The following MTUS2 variants were observed in gnomAD, a reference collection of about 807,000 sequenced individuals.
MTUS2 encodes microtubule associated scaffold protein 2.
Under a neutral mutation model 114.1 loss-of-function variants are expected in MTUS2, and 40 were observed. That is an observed-to-expected ratio of 0.35 (90% CI 0.27 to 0.46). The LOEUF (loss-of-function observed/expected upper bound fraction) is 0.46, where lower values mean the gene tolerates loss of function less well. Among genes scored for constraint, MTUS2 ranks in the 20% least tolerant of loss-of-function variants. The pLI is 1.00. For missense variants in MTUS2, 1,679 were observed against 1,705.4 expected, an observed-to-expected ratio of 0.98 and a Z score of 0.27; for synonymous variants, 688 against 672.0, an observed-to-expected ratio of 1.02 and a Z score of -0.37.
intron 8 of MTUS2, among the ~76,000 whole-genome samples, chr13:29,385,965 C>T (rs1165257565): frequency 1.3e-5 from 2 of 152,138 alleles, no homozygotes; most frequent in African/African-American, 4.8e-5. Flanking sequence ...CCTATAATAG[C>T]ACAGGGGCCC....
intron 8 of MTUS2, among the ~76,000 whole-genome samples, chr13:29,407,755 G>A (rs9508441): frequency 1 from 151,498 of 152,166 alleles, 75,422 homozygotes; most frequent in Middle Eastern, 1. Context: ...CTGGGATTAC[G>A]GGCATAAGCC....
chr13:29,458,630 T>C (rs1045320042), intron 9 of MTUS2, among the ~76,000 whole-genome samples: 1 of 152,132 alleles, frequency 6.6e-6, no homozygotes, highest in African/African-American at 2.4e-5. Context: ...TCTCTCCCAA[T>C]CTCTAGCCCT....
intron 8 of MTUS2, among the ~76,000 whole-genome samples, chr13:29,375,379 ATTAC>A (rs1871514222): frequency 7.2e-6 from 1 of 138,378 alleles, no homozygotes; most frequent in African/African-American, 2.6e-5. Flanking sequence ...AAAAACCGCA[ATTAC>A]TTACTTTTAA....
chr13:29,332,900 G>A (rs2138067588), intron 7 of MTUS2, among the ~76,000 whole-genome samples: 1 of 152,230 alleles, frequency 6.6e-6, no homozygotes, highest in Admixed American at 6.5e-5. Flanking sequence ...CTCCCAAAGT[G>A]CTGGGATTAC....
At chr13:29,479,353 G>A (rs1198999296) in intron 9 of MTUS2, among the ~76,000 whole-genome samples, 2 of 152,188 alleles carry the variant, frequency 1.3e-5, no homozygotes, top group Non-Finnish European at 2.9e-5. Context: ...TCTTTAGAAT[G>A]GAAGCACTTG....
chr13:28,976,227 AAAG>A (rs372757612), intron 2 of MTUS2, among the ~76,000 whole-genome samples: 24,659 of 138,656 alleles, frequency 0.18, 2,720 homozygotes, highest in East Asian at 0.53. Context: ...AAAAAAAAGA[AAAG>A]AAGAAAAAAA....
chr13:28,860,227 A>G (rs1014133750), intron 2 of MTUS2, among the ~76,000 whole-genome samples: 3 of 152,190 alleles, frequency 2.0e-5, no homozygotes, highest in East Asian at 3.9e-4. Flanking sequence ...AACTATTTTC[A>G]TTTTCTGTGA....
At chr13:29,452,192 A>G (rs2138742213) in intron 9 of MTUS2, among the ~76,000 whole-genome samples, 1 of 152,338 alleles carries the variant, frequency 6.6e-6, no homozygotes, top group Admixed American at 6.5e-5. Flanking sequence ...TTTGGTTGCC[A>G]TGGAAAATAC....
intron 8 of MTUS2, among the ~76,000 whole-genome samples, chr13:29,410,642 C>T (rs1875156789): frequency 6.6e-6 from 1 of 152,132 alleles, no homozygotes; most frequent in Non-Finnish European, 1.5e-5. Context: ...ACCCCTTTAT[C>T]TGTGACACAT....
chr13:29,221,926 C>A lies in MTUS2; in HGVS notation c.2645-59778C>A, dbSNP rs8001802. On this transcript the variant is annotated intron_variant, in intron 5 of 15. Coordinates refer to ENST00000612955, the MANE Select transcript of MTUS2 (RefSeq NM_001033602.4). ...TCAACTGATTTTTATGGATACCATG[C>A]GATAGATGTCTCATTTTATTTTCTT... is the stretch of plus-strand genomic sequence containing the variant. 7.2e-5 allele frequency among the ~76,000 whole-genome samples: 11 copies of A among 152,112 alleles called. No individual in the cohort carries two copies. The East Asian group carries it at 2.1e-3, about 29-fold the overall frequency.
At chr13:29,388,074 A>T (rs990053445) in intron 8 of MTUS2, among the ~76,000 whole-genome samples, 2 of 151,940 alleles carry the variant, frequency 1.3e-5, no homozygotes, top group Non-Finnish European at 2.9e-5. Context: ...CATGGCCCCT[A>T]CCCCCAGAGC....
At chr13:29,498,717 G>T (rs1882707740) in intron 14 of MTUS2, among the ~76,000 whole-genome samples, 180 bp downstream of exon 14, 1 of 152,192 alleles carries the variant, frequency 6.6e-6, no homozygotes, top group African/African-American at 2.4e-5. Context: ...AGGAATCTTG[G>T]AGGTGGCCTC....
At chr13:29,031,235 T>C (rs1165097637) in intron 3 of MTUS2, among the ~76,000 whole-genome samples, 2 of 140,184 alleles carry the variant, frequency 1.4e-5, no homozygotes, top group Non-Finnish European at 3.0e-5. Context: ...ATAGAACTAA[T>C]AGGTGTGTGT....
At chr13:28,865,830 C>T (rs929508108) in intron 2 of MTUS2, among the ~76,000 whole-genome samples, 2 of 152,170 alleles carry the variant, frequency 1.3e-5, no homozygotes, top group Non-Finnish European at 2.9e-5. Context: ...GAGTCTCTTG[C>T]AGGCTCAGCT....
At chr13:29,441,205 A>C (rs7984518) in intron 9 of MTUS2, among the ~76,000 whole-genome samples, 1 of 151,600 alleles carries the variant, frequency 6.6e-6, no homozygotes, top group Non-Finnish European at 1.5e-5. Context: ...CTCCCCCACC[A>C]GGAGAAGCCC....
At chr13:28,982,280 C>T (rs949167869) in intron 2 of MTUS2, among the ~76,000 whole-genome samples, 10 of 151,458 alleles carry the variant, frequency 6.6e-5, no homozygotes, top group Admixed American at 6.6e-5. Flanking sequence ...CATCACTAGT[C>T]ATTAGGGAAA....
At chr13:29,170,512 G>A (rs955973747) in intron 5 of MTUS2, among the ~76,000 whole-genome samples, 1 of 152,192 alleles carries the variant, frequency 6.6e-6, no homozygotes, top group African/African-American at 2.4e-5. Context: ...AAACCCTGGG[G>A]ATGAATATTT....
rs543338798 is a variant in MTUS2 at position 28,987,707 on chromosome 13, T to A, written c.-242-36750T>A. 1.2e-4 allele frequency among the ~76,000 whole-genome samples: 18 copies of A among 152,300 alleles called. No homozygotes were observed. In the East Asian group the frequency reaches 3.5e-3, roughly 29 times the overall value. ...GCTTTCTGTTGCCAGAGTCCACACATCTGGATTTTTATGTGAAATGTGCCA... is the reference window on the plus strand; with the variant it reads ...GCTTTCTGTTGCCAGAGTCCACACAACTGGATTTTTATGTGAAATGTGCCA... On this transcript the variant is annotated intron_variant, in intron 2 of 15. Coordinates refer to ENST00000612955, the MANE Select transcript of MTUS2 (RefSeq NM_001033602.4).
intron 5 of MTUS2, among the ~76,000 whole-genome samples, chr13:29,231,167 A>G (rs2139360110): frequency 6.6e-6 from 1 of 152,294 alleles, no homozygotes; most frequent in African/African-American, 2.4e-5. Context: ...GATTCAATGA[A>G]CTGACATAAA....
Sources: allele counts gnomAD v4.1 joint callset (sites outside exome capture counted in the v4.1 genomes callset), GRCh38; gene constraint gnomAD v4.1.1; transcripts MANE v1.5; gene names NCBI Gene and HGNC (gene_info 2026-07-23, HGNC 2026-07-21).